SMARCA2: variants seen among roughly 807,000 people sequenced by gnomAD.
The protein encoded by SMARCA2 is SWI/SNF-related matrix-associated actin-dependent regulator of chromatin subfamily A member 2.
In SMARCA2, 61 loss-of-function variants were observed where a neutral mutation model predicts 199.8. The observed-to-expected ratio is 0.31, with a 90% confidence interval of 0.25 to 0.38. SMARCA2 has a LOEUF of 0.38. Among genes scored for constraint, SMARCA2 ranks in the 10% least tolerant of loss-of-function variants. SMARCA2 has a pLI of 1.00. For missense variants in SMARCA2, 1,344 were observed against 2,012.2 expected (o/e 0.67, Z 6.35); for synonymous variants, 935 against 732.0 (o/e 1.28, Z -4.48).
At chr9:2,071,943 GAAAA>G (rs778719900) in intron 10 of SMARCA2, 22 of 151,304 alleles carry the variant, frequency 1.5e-4, no homozygotes, top group Middle Eastern at 6.8e-3. Flanking sequence ...ACACACAAAA[GAAAA>G]AAACGACAAT....
chr9:2,091,701 C>T (rs1281382138), intron 19 of SMARCA2, among the ~76,000 whole-genome samples: 2 of 152,192 alleles, frequency 1.3e-5, no homozygotes, highest in African/African-American at 4.8e-5. Context: ...CTGTCTGAAG[C>T]ACTGGGTAGT....
chr9:2,067,199 A>C (rs748825049), intron 9 of SMARCA2, among the ~76,000 whole-genome samples: 18 of 152,250 alleles, frequency 1.2e-4, no homozygotes, highest in Admixed American at 5.9e-4. Flanking sequence ...GCTTTTAACT[A>C]TTTTATGACT....
chr9:2,118,254 T>A (rs1823298958), intron 25 of SMARCA2, among the ~76,000 whole-genome samples: 1 of 152,244 alleles, frequency 6.6e-6, no homozygotes. Flanking sequence ...AGATGAAATG[T>A]AATATTTAGA....
chr9:2,110,678 A>G lies in SMARCA2; in HGVS notation c.3456+261A>G, dbSNP rs967977183. Among the ~76,000 whole-genome samples, 1 of 152,230 alleles carries G rather than the reference A, an allele frequency of 6.6e-6. No homozygotes were observed. Among genetic ancestry groups the G allele is most frequent in the African/African-American group, 2.4e-5 (1 of 41,466 alleles). ...TTTAATCCCATCTCTTGGGATTGCC[A>G]TTGAACAAAGTATATTTAATGAGGG... On this transcript the variant is annotated intron_variant, in intron 24 of 33. Transcript: ENST00000349721. This position sits in a 1 kb window ranked among gnomAD's most constrained non-coding sequence, Gnocchi z 4.8.
chr9:2,047,535 G>T (rs543953341), intron 5 of SMARCA2, 51 bp downstream of exon 5: 3 of 1,258,330 alleles, frequency 2.4e-6, no homozygotes, highest in East Asian at 6.3e-5. Flanking sequence ...AGCACCTGCC[G>T]CCCAAGCCGA....
Position 2,032,982 on chromosome 9 carries a change from G to T in SMARCA2, c.256G>T (p.Val86Leu), listed in dbSNP as rs751197799. 6.2e-7 allele frequency: 1 copy of T among 1,613,784 alleles called. No homozygotes were observed. The highest frequency in any genetic ancestry group is 1.1e-5 in the South Asian group (1 of 91,084). Residue 86 changes from valine (V) to leucine (L), a missense_variant, in exon 3 of 34, where the codon GTA becomes TTA. Val to Leu is a conservative substitution (Grantham distance 32). Around this residue, in one of 18 missense-constraint regions of SMARCA2, gnomAD observed 275 missense variants for 247.5 expected, o/e 1.11. Transcript: ENST00000349721. ...PIDGIHDKGI[V>L]EDIHCGSMKG... is the part of the protein sequence containing the mutation. ...CGATGGTATACATGACAAGGGGATT[G>T]TAGAAGACATCCATTGTGGATCCAT... is the stretch of plus-strand genomic sequence containing the variant.
At chr9:2,051,886 A>G (rs986767889) in intron 5 of SMARCA2, among the ~76,000 whole-genome samples, 3 of 152,096 alleles carry the variant, frequency 2.0e-5, no homozygotes, top group African/African-American at 7.2e-5. Context: ...TTACATCTTA[A>G]TTGTTAAGAT....
chr9:2,047,426 C>T lies in SMARCA2; in HGVS notation c.988C>T (p.Pro330Ser). The T allele has an allele frequency of 6.3e-7, 1 of 1,587,554 alleles. No individual in the cohort carries two copies. The highest frequency in any genetic ancestry group is 8.6e-7 in the Non-Finnish European group (1 of 1,168,406). ...GCAGCAGAAGCAGAGCCGCATCAGCCCCATCCAGAAACCGCAAGGCCTGGA... is the reference window on the plus strand; with the variant it reads ...GCAGCAGAAGCAGAGCCGCATCAGCTCCATCCAGAAACCGCAAGGCCTGGA... ...QLQQKQSRIS[P>S]IQKPQGLDPV... The change falls in exon 5 of 34, where the codon CCC becomes TCC. Residue 330 changes from proline to serine, a missense_variant. By Grantham distance (74) the Pro-to-Ser change is moderately conservative (BLOSUM62 -1). Coordinates refer to ENST00000349721, the MANE Select transcript of SMARCA2 (RefSeq NM_003070.5).
At chr9:2,046,400 C>T (rs1819845978) in intron 4 of SMARCA2, among the ~76,000 whole-genome samples, 1 of 152,150 alleles carries the variant, frequency 6.6e-6, no homozygotes, top group African/African-American at 2.4e-5. Context: ...TGGGATAATG[C>T]TCCCTTGAAT....
intron 27 of SMARCA2, among the ~76,000 whole-genome samples, chr9:2,137,254 A>G (rs1042642541): frequency 6.6e-6 from 1 of 152,216 alleles, no homozygotes; most frequent in Non-Finnish European, 1.5e-5. Context: ...ACAACAGTTC[A>G]GGTGGCTACC....
At chr9:2,084,233 AC>A in intron 17 of SMARCA2, 37 bp downstream of exon 17, 1 of 1,074,540 alleles carries the variant, frequency 9.3e-7, no homozygotes, top group Non-Finnish European at 1.4e-6. Flanking sequence ...TCTAATTAGG[AC>A]CATTGCACTG....
intron 32 of SMARCA2, among the ~76,000 whole-genome samples, chr9:2,187,157 C>G (rs182927388): frequency 6.6e-6 from 1 of 151,860 alleles, no homozygotes; most frequent in Non-Finnish European, 1.5e-5. Flanking sequence ...TGACAGGGTA[C>G]TGTCTTTATT....
intron 27 of SMARCA2, among the ~76,000 whole-genome samples, chr9:2,140,461 A>T (rs1179325839): frequency 6.6e-6 from 1 of 152,172 alleles, no homozygotes; most frequent in Non-Finnish European, 1.5e-5. Context: ...GTTCACTGGT[A>T]TATATTTTTA....
At chr9:2,135,178 G>T (rs1824140169) in intron 27 of SMARCA2, among the ~76,000 whole-genome samples, 1 of 152,178 alleles carries the variant, frequency 6.6e-6, no homozygotes, top group Non-Finnish European at 1.5e-5. Flanking sequence ...CTGAGAACTA[G>T]GAGCTCCAGT....
At chr9:2,047,180 C>A in intron 4 of SMARCA2, 49 bp from the exon 5 acceptor site, 1 of 1,014,776 alleles carries the variant, frequency 9.9e-7, no homozygotes, top group Non-Finnish European at 1.2e-6. Flanking sequence ...GGGTGTGGCC[C>A]GCGGGGCGCC....
chr9:2,180,070 C>T (rs1022872135), intron 29 of SMARCA2, among the ~76,000 whole-genome samples: 5 of 152,096 alleles, frequency 3.3e-5, no homozygotes, highest in African/African-American at 9.7e-5. Context: ...GAAGGACGAA[C>T]GCATTTCTCG....
At chr9:2,135,232 A>T (rs1038651087) in intron 27 of SMARCA2, among the ~76,000 whole-genome samples, 7 of 152,220 alleles carry the variant, frequency 4.6e-5, no homozygotes, top group Admixed American at 2.0e-4. Flanking sequence ...CAAGAAAAGA[A>T]GGAATTCCCC....
intron 29 of SMARCA2, among the ~76,000 whole-genome samples, chr9:2,171,105 G>A (rs1563823859): frequency 6.6e-6 from 1 of 152,130 alleles, no homozygotes. Flanking sequence ...AAGCAGAAAT[G>A]CTTTTCTCCT....
At chr9:2,121,314 G>T (rs1447862414) in intron 26 of SMARCA2, among the ~76,000 whole-genome samples, 1 of 152,220 alleles carries the variant, frequency 6.6e-6, no homozygotes, top group Admixed American at 6.5e-5. Flanking sequence ...TGTAACACAG[G>T]TGAGGCTGGC....
Sources: allele counts gnomAD v4.1 joint callset (sites outside exome capture counted in the v4.1 genomes callset), GRCh38; gene constraint gnomAD v4.1.1; regional missense constraint gnomAD v4.1.1; non-coding constraint Gnocchi (gnomAD v3.1); transcripts MANE v1.5; gene names NCBI Gene and HGNC (gene_info 2026-07-23, HGNC 2026-07-21).